Variants in PYROXD1 observed in about 807,000 individuals in gnomAD.
PYROXD1 encodes the protein pyridine nucleotide-disulphide oxidoreductase domain 1.
In PYROXD1, 42 loss-of-function variants were observed where a neutral mutation model predicts 62.0. The ratio of observed to expected loss-of-function variants is 0.68; its 90% CI spans 0.53 to 0.88. The LOEUF (loss-of-function observed/expected upper bound fraction) is 0.88, where lower values mean the gene tolerates loss of function less well. Ranked by LOEUF, PYROXD1 falls within the 40% of genes least tolerant of loss-of-function variation. PYROXD1 has a pLI of 0.00. For synonymous variants in PYROXD1, 170 were observed against 206.4 expected, an observed-to-expected ratio of 0.82 and a Z score of 1.51; for missense variants, 493 against 604.8, an observed-to-expected ratio of 0.82 and a Z score of 1.94.
At chr12:21,454,559 G>A (rs2137266666) in intron 5 of PYROXD1, among the ~76,000 whole-genome samples, 1 of 152,038 alleles carries the variant, frequency 6.6e-6, no homozygotes, top group South Asian at 2.1e-4. Flanking sequence ...AGTAATAGAA[G>A]GTGGCTTATA....
intron 10 of PYROXD1, among the ~76,000 whole-genome samples, chr12:21,464,582 G>A (rs998503705): frequency 2.0e-5 from 3 of 152,056 alleles, no homozygotes; most frequent in Admixed American, 6.6e-5. Flanking sequence ...CTTATTATAC[G>A]CTAACCTGTT....
chr12:21,467,723 A>G, intron 11 of PYROXD1, 105 bp downstream of exon 11: 1 of 871,982 alleles, frequency 1.1e-6, no homozygotes, highest in African/African-American at 1.7e-5. Context: ...AGTTTTAATC[A>G]TCTACAAAAA....
intron 9 of PYROXD1, 79 bp downstream of exon 9, chr12:21,462,199 AATT>A (rs747959485): frequency 8.9e-5 from 70 of 789,796 alleles, no homozygotes; most frequent in Non-Finnish European, 1.3e-4. Flanking sequence ...AAACATGAAT[AATT>A]ATTATTTTAG....
intron 4 of PYROXD1, among the ~76,000 whole-genome samples, chr12:21,450,121 G>GCCA (rs1942467993): frequency 3.0e-5 from 4 of 134,928 alleles, no homozygotes; most frequent in African/African-American, 1.2e-4. Context: ...GCCCACCTAG[G>GCCA]CCTCCCAGAG....
In PYROXD1 at chr12:21,469,346, T is replaced by A. The variant is rs1942869120; in HGVS notation, c.*592T>A. On this transcript the variant is annotated 3_prime_UTR_variant, in exon 12 of 12. Transcript: ENST00000240651. ...TGCAGCCCAACACAAATCTGTAAAC[T>A]TTCTTAAAACATGAGATTTTTCTTG... is the stretch of plus-strand genomic sequence containing the variant. 1 of 152,098 alleles carries A rather than the reference T, an allele frequency of 6.6e-6. No individual in the cohort carries two copies. Among genetic ancestry groups the A allele is most frequent in the South Asian group, 2.1e-4 (1 of 4,828 alleles). The allele number at this position is 152,098 out of a possible 1,614,324, so 9.4% of individuals were successfully genotyped here.
intron 4 of PYROXD1, among the ~76,000 whole-genome samples, chr12:21,450,282 A>G (rs1201955712): frequency 6.6e-6 from 1 of 152,122 alleles, no homozygotes; most frequent in Non-Finnish European, 1.5e-5. Flanking sequence ...AACAACTTAT[A>G]TTACACACAC....
intron 4 of PYROXD1, among the ~76,000 whole-genome samples, chr12:21,451,622 T>C (rs1258892101): frequency 6.6e-6 from 1 of 152,114 alleles, no homozygotes; most frequent in East Asian, 1.9e-4. Flanking sequence ...AGTCATTCAG[T>C]TAGTAATTGC....
At chr12:21,458,196 A>G (rs1942633941) in intron 7 of PYROXD1, among the ~76,000 whole-genome samples, 2 of 152,206 alleles carry the variant, frequency 1.3e-5, no homozygotes, top group Admixed American at 1.3e-4. Context: ...TATCAATTGT[A>G]TATTTTTGTT....
intron 5 of PYROXD1, among the ~76,000 whole-genome samples, chr12:21,452,701 T>C (rs977560723): frequency 6.6e-6 from 1 of 152,088 alleles, no homozygotes; most frequent in African/African-American, 2.4e-5. Flanking sequence ...TATTACAAGT[T>C]CAAAAACCAT....
chr12:21,441,854 AG>A (rs762802954), intron 2 of PYROXD1, among the ~76,000 whole-genome samples: 9 of 152,192 alleles, frequency 5.9e-5, no homozygotes, highest in Non-Finnish European at 1.0e-4. Context: ...TGCTGTTTTC[AG>A]AAGTATGGGC....
chr12:21,470,970 C>T lies in PYROXD1; in HGVS notation c.*2216C>T. 2.0e-6 allele frequency: 3 copies of T among 1,528,096 alleles called. No homozygotes were observed. In the South Asian group the frequency reaches 3.9e-5, roughly 20 times the overall value. The allele number at this position is 1,528,096 out of a possible 1,614,324, so 94.7% of individuals were successfully genotyped here. ...AACTGAAAATTAATAGCCATTTACCCTGAAAGAGTTCTGCGTGGACTTTGT... is the reference window on the plus strand; with the variant it reads ...AACTGAAAATTAATAGCCATTTACCTTGAAAGAGTTCTGCGTGGACTTTGT... On this transcript the variant is annotated 3_prime_UTR_variant, in exon 12 of 12. Coordinates refer to ENST00000240651, the MANE Select transcript of PYROXD1 (RefSeq NM_024854.5).
At position 21,470,818 on chromosome 12, in the gene PYROXD1, T is replaced by G; in HGVS notation, c.*2064T>G. ...TTTCACTTACATCTTTACAGAAAAC[T>G]ATATTTTCTCTCTTCCATACCCAGA... On this transcript the variant is annotated 3_prime_UTR_variant, in exon 12 of 12. Coordinates refer to ENST00000240651, the MANE Select transcript of PYROXD1 (RefSeq NM_024854.5). 2.0e-6 allele frequency: 1 copy of G among 492,332 alleles called. No homozygotes were observed. The highest frequency in any genetic ancestry group is 3.3e-6 in the Non-Finnish European group (1 of 307,636). 30.5% of individuals were successfully genotyped at this position (492,332 alleles called of 1,614,324 possible). A position where few individuals can be genotyped will look rare whatever the true frequency, so the allele number is the denominator to read the frequency against.
rs34425665 is a variant in PYROXD1 at position 21,468,017 on chromosome 12, G to GTT, written c.1254+409_1254+410dup. The stretch of plus-strand genomic sequence containing the variant: ...TTCACATTGACAAAGGTTGTTTTGG[G>GTT]TTTTTTTTTTTCCCTAATTTACAGA... On this transcript the variant is annotated intron_variant, in intron 11 of 11. Transcript: ENST00000240651. Among the ~76,000 whole-genome samples, 844 of 145,134 alleles carry GTT rather than the reference G, an allele frequency of 5.8e-3. 7 individuals are homozygous for GTT. Among genetic ancestry groups the GTT allele is most frequent in the East Asian group, 0.042 (209 of 4,962 alleles).
intron 2 of PYROXD1, among the ~76,000 whole-genome samples, chr12:21,441,044 A>G (rs540815058): frequency 2.6e-5 from 4 of 152,148 alleles, no homozygotes; most frequent in Admixed American, 6.5e-5. Flanking sequence ...TTTTTTTGAG[A>G]TGGAGTCTCA....
chr12:21,454,147 C>T (rs369131543), intron 5 of PYROXD1, among the ~76,000 whole-genome samples: 4 of 151,746 alleles, frequency 2.6e-5, no homozygotes, highest in Non-Finnish European at 4.4e-5. Flanking sequence ...AACCTTTTTT[C>T]GTAATCTGTT....
chr12:21,460,000 G>C (rs903687123), intron 7 of PYROXD1, among the ~76,000 whole-genome samples: 2 of 152,168 alleles, frequency 1.3e-5, no homozygotes, highest in African/African-American at 4.8e-5. Flanking sequence ...ATAAGGAGAT[G>C]ATTTGCTTTT....
intron 2 of PYROXD1, among the ~76,000 whole-genome samples, chr12:21,445,061 G>A (rs759519053): frequency 2.6e-5 from 4 of 152,194 alleles, no homozygotes; most frequent in Non-Finnish European, 5.9e-5. Flanking sequence ...TGGCTAAACT[G>A]TAGAAATGTA....
At position 21,469,785 on chromosome 12, in the gene PYROXD1, T is replaced by C. The variant is rs1314223773; in HGVS notation, c.*1031T>C. 1.9e-5 allele frequency: 3 copies of C among 156,574 alleles called. No homozygotes were observed. Among genetic ancestry groups the C allele is most frequent in the African/African-American group, 7.3e-5 (3 of 41,334 alleles). 9.7% of individuals were successfully genotyped at this position (156,574 alleles called of 1,614,324 possible). On this transcript the variant is annotated 3_prime_UTR_variant, in exon 12 of 12. Coordinates refer to ENST00000240651, the MANE Select transcript of PYROXD1 (RefSeq NM_024854.5). ...AATGTGGCTCAGGGAAGCCAAAAGA[T>C]TGGACATCCTTGATCTACATATTTA...
chr12:21,452,947 C>G (rs1313433312), intron 5 of PYROXD1, among the ~76,000 whole-genome samples: 1 of 152,042 alleles, frequency 6.6e-6, no homozygotes, highest in African/African-American at 2.4e-5. Context: ...GATGATCTCA[C>G]CCAGTGGAAG....
Sources: gnomAD v4.1 joint callset for allele counts (sites outside exome capture counted in the v4.1 genomes callset) on GRCh38, gnomAD v4.1.1 for gene constraint, MANE v1.5 for transcripts, NCBI Gene and HGNC (gene_info 2026-07-23, HGNC 2026-07-21) for gene names.